The following THSD7B variants were observed in gnomAD, a reference collection of about 807,000 sequenced individuals.
THSD7B encodes the protein thrombospondin type-1 domain-containing protein 7B.
In THSD7B, 138 loss-of-function variants were observed where a neutral mutation model predicts 213.6. The ratio of observed to expected loss-of-function variants is 0.65; its 90% CI spans 0.56 to 0.74. The LOEUF (loss-of-function observed/expected upper bound fraction) is 0.74, where lower values mean the gene tolerates loss of function less well. Ranked by LOEUF, THSD7B falls within the 30% of genes least tolerant of loss-of-function variation. The probability of loss-of-function intolerance (pLI) is 0.00; values close to 1 mark genes in which losing one functional copy is unlikely to be tolerated. For synonymous variants in THSD7B, 742 were observed against 687.0 expected (o/e 1.08, Z -1.25); for missense variants, 1,931 against 1,991.5 (o/e 0.97, Z 0.58).
At chr2:137,360,675 A>T (rs1439295933) in intron 12 of THSD7B, among the ~76,000 whole-genome samples, 1 of 152,136 alleles carries the variant, frequency 6.6e-6, no homozygotes. Flanking sequence ...GCCATTGCTG[A>T]GGCTTGAGTA....
chr2:137,103,851 A>G (rs1366124825), intron 4 of THSD7B, among the ~76,000 whole-genome samples: 3 of 152,202 alleles, frequency 2.0e-5, no homozygotes, highest in African/African-American at 7.2e-5. Flanking sequence ...GTAAATATAT[A>G]TGCACTTAAC....
chr2:136,903,974 T>TGTGTGTGTG (rs1573701122), intron 2 of THSD7B, among the ~76,000 whole-genome samples: 18 of 28,530 alleles, frequency 6.3e-4, no homozygotes, highest in South Asian at 2.2e-3. Flanking sequence ...GTGTGTGTGT[T>TGTGTGTGTG]TGTTTGTTTC....
chr2:136,897,771 G>A (rs1341758380), intron 2 of THSD7B, among the ~76,000 whole-genome samples: 1 of 152,114 alleles, frequency 6.6e-6, no homozygotes, highest in Non-Finnish European at 1.5e-5. Flanking sequence ...GACACAGAGC[G>A]CTGATTGGTG....
chr2:137,171,673 A>G (rs1290957809), intron 7 of THSD7B, among the ~76,000 whole-genome samples: 1 of 152,204 alleles, frequency 6.6e-6, no homozygotes, highest in Non-Finnish European at 1.5e-5. Context: ...GAGAAGCCCC[A>G]CTTATAATGC....
chr2:136,976,083 G>A (rs969151336), intron 2 of THSD7B, among the ~76,000 whole-genome samples: 2 of 152,142 alleles, frequency 1.3e-5, no homozygotes, highest in Non-Finnish European at 2.9e-5. Flanking sequence ...AAGGAGCTGA[G>A]ACGATGGGGT....
chr2:137,632,543 G>A (rs1440375299), intron 20 of THSD7B, among the ~76,000 whole-genome samples: 1 of 152,158 alleles, frequency 6.6e-6, no homozygotes, highest in South Asian at 2.1e-4. Context: ...AGGTATTACA[G>A]TGGTCCCTCA....
intron 3 of THSD7B, among the ~76,000 whole-genome samples, chr2:137,075,449 G>A (rs1687600022): frequency 6.6e-6 from 1 of 152,042 alleles, no homozygotes; most frequent in East Asian, 1.9e-4. Flanking sequence ...GGTCCTTTAA[G>A]GACTTCTCTG....
intron 5 of THSD7B, among the ~76,000 whole-genome samples, chr2:137,125,281 T>C (rs986637404): frequency 7.2e-5 from 11 of 152,216 alleles, no homozygotes; most frequent in African/African-American, 2.7e-4. Context: ...ATTTCAAAAT[T>C]GGAGTCAATC....
chr2:137,041,129 G>A (rs1257694933), intron 2 of THSD7B, among the ~76,000 whole-genome samples: 1 of 152,156 alleles, frequency 6.6e-6, no homozygotes. Flanking sequence ...CATATTTTGT[G>A]GATGGTTCAG....
chr2:137,361,340 G>A (rs1685252246), intron 12 of THSD7B, among the ~76,000 whole-genome samples: 1 of 152,196 alleles, frequency 6.6e-6, no homozygotes, highest in Non-Finnish European at 1.5e-5. Flanking sequence ...AAGGAGTGCA[G>A]CTCCTCACCA....
At chr2:137,361,196 A>G (rs1008197143) in intron 12 of THSD7B, among the ~76,000 whole-genome samples, 1 of 152,034 alleles carries the variant, frequency 6.6e-6, no homozygotes, top group Non-Finnish European at 1.5e-5. Flanking sequence ...ATCAAAAAAA[A>G]GGACATCCAC....
chr2:137,497,384 C>G (rs1208540923), intron 15 of THSD7B, among the ~76,000 whole-genome samples: 1 of 151,968 alleles, frequency 6.6e-6, no homozygotes, highest in Non-Finnish European at 1.5e-5. Flanking sequence ...TCACATGACC[C>G]TAATTTTTTC....
At chr2:137,179,975 T>C (rs1412551722) in intron 7 of THSD7B, among the ~76,000 whole-genome samples, 3 of 152,214 alleles carry the variant, frequency 2.0e-5, no homozygotes, top group Non-Finnish European at 4.4e-5. Flanking sequence ...ATTATGTTTA[T>C]CACCTGTGCA....
chr2:137,327,659 T>A (rs966426787), intron 12 of THSD7B, among the ~76,000 whole-genome samples: 1 of 152,196 alleles, frequency 6.6e-6, no homozygotes, highest in Non-Finnish European at 1.5e-5. Context: ...TACAAGGAAG[T>A]GAGGCAGTTA....
intron 12 of THSD7B, among the ~76,000 whole-genome samples, chr2:137,331,342 C>A (rs1304900221): frequency 6.6e-6 from 1 of 150,714 alleles, no homozygotes; most frequent in Non-Finnish European, 1.5e-5. Flanking sequence ...CTGAGCTAGA[C>A]ATAAACGTTC....
chr2:137,114,007 G>A (rs1441252041), intron 4 of THSD7B, among the ~76,000 whole-genome samples: 1 of 152,110 alleles, frequency 6.6e-6, no homozygotes, highest in African/African-American at 2.4e-5. Context: ...CATTGTTAGG[G>A]ATTTGTCACT....
chr2:137,293,655 A>G (rs969301815), intron 12 of THSD7B, among the ~76,000 whole-genome samples: 4 of 152,094 alleles, frequency 2.6e-5, no homozygotes, highest in Admixed American at 2.6e-4. Flanking sequence ...ACAGAATGGC[A>G]TCATTGAAAA....
chr2:137,598,490 T>C (rs960157546), intron 17 of THSD7B, among the ~76,000 whole-genome samples: 4 of 152,196 alleles, frequency 2.6e-5, no homozygotes, highest in African/African-American at 9.6e-5. Flanking sequence ...ACAGAAGAAC[T>C]GGAAAACATT....
intron 15 of THSD7B, among the ~76,000 whole-genome samples, chr2:137,526,398 TTTGTTG>T (rs371113805): frequency 0.029 from 4,388 of 151,698 alleles, 216 homozygotes; most frequent in African/African-American, 0.1. Context: ...AAGTTTAGGG[TTTGTTG>T]TTGTTGTTGT....
Sources: allele counts gnomAD v4.1 joint callset (sites outside exome capture counted in the v4.1 genomes callset), GRCh38; gene constraint gnomAD v4.1.1; transcripts MANE v1.5; gene names NCBI Gene and HGNC (gene_info 2026-07-23, HGNC 2026-07-21).